The following DCAF10 variants were observed in gnomAD, a reference collection of about 807,000 sequenced individuals.
DCAF10 encodes DDB1- and CUL4-associated factor 10.
In DCAF10, 19 loss-of-function variants were observed where a neutral mutation model predicts 51.9. The ratio of observed to expected loss-of-function variants is 0.37; its 90% CI spans 0.26 to 0.54. The LOEUF (loss-of-function observed/expected upper bound fraction) is 0.54, where lower values mean the gene tolerates loss of function less well. DCAF10 is among the 20% of genes least tolerant of loss of function. The pLI is 0.87. For synonymous variants in DCAF10, 291 were observed against 297.1 expected, an observed-to-expected ratio of 0.98 and a Z score of 0.21; for missense variants, 510 against 730.6, an observed-to-expected ratio of 0.70 and a Z score of 3.48.
intron 2 of DCAF10, among the ~76,000 whole-genome samples, chr9:37,828,300 T>C (rs1386940916): frequency 6.6e-6 from 1 of 151,752 alleles, no homozygotes; most frequent in Non-Finnish European, 1.5e-5. Context: ...GGATTCAGGT[T>C]GGAAGCACTG....
rs1831077350 is a variant in DCAF10, at chr9:37,863,841, A to G, written c.*2333A>G. 6.6e-6 allele frequency: 1 copy of G among 152,238 alleles called. No individual in the cohort carries two copies. Among genetic ancestry groups the G allele is most frequent in the South Asian group, 2.1e-4 (1 of 4,832 alleles). The allele number at this position is 152,238 out of a possible 1,614,324, so 9.4% of individuals were successfully genotyped here. ...CTATTCACACACATTTATAGAGGTT[A>G]TAAGGATCTTGGCTCTAGAACAAAT... On this transcript the variant is annotated 3_prime_UTR_variant, in exon 7 of 7. Coordinates refer to ENST00000377724, the MANE Select transcript of DCAF10 (RefSeq NM_024345.5).
chr9:37,805,205 G>C (rs1212841205), intron 1 of DCAF10, among the ~76,000 whole-genome samples: 1 of 152,176 alleles, frequency 6.6e-6, no homozygotes, highest in African/African-American at 2.4e-5. Flanking sequence ...AGTGAGGCCG[G>C]GTGTGGTGGT....
chr9:37,860,269 C>G (rs560264009), intron 6 of DCAF10, 76 bp downstream of exon 6: 75 of 1,564,046 alleles, frequency 4.8e-5, no homozygotes, highest in Non-Finnish European at 6.2e-5. Context: ...GAGCTTAGGC[C>G]GATCGCTGAC....
intron 6 of DCAF10, chr9:37,860,396 T>C (rs1830980174): frequency 1.7e-6 from 1 of 591,714 alleles, no homozygotes; most frequent in Non-Finnish European, 2.6e-6. Context: ...CTTATTCCTC[T>C]CCTGCTGGGG....
intron 5 of DCAF10, chr9:37,858,497 ATGCT>A (rs1336114591): frequency 2.6e-5 from 4 of 152,256 alleles, no homozygotes; most frequent in African/African-American, 7.2e-5. Flanking sequence ...AATAGTTAAC[ATGCT>A]TGCTTGTTAT....
Position 37,835,484 on chromosome 9 carries a change from CAGGAGA to C in DCAF10, c.654-6603_654-6598del, listed in dbSNP as rs1481662056. 2.0e-5 allele frequency among the ~76,000 whole-genome samples: 3 copies of C among 152,002 alleles called. No individual in the cohort carries two copies. The East Asian group carries it at 5.8e-4, about 29-fold the overall frequency. ...ATCCCAGCTACTCAGGAGGCTGAGG[CAGGAGA>C]ATGACTTGAGCCCGGAAGGTGGAGT... On this transcript the variant is annotated intron_variant, in intron 2 of 6. Transcript: ENST00000377724.
At chr9:37,822,770 C>T (rs1164243697) in intron 2 of DCAF10, among the ~76,000 whole-genome samples, 1 of 151,998 alleles carries the variant, frequency 6.6e-6, no homozygotes, top group Admixed American at 6.6e-5. Context: ...CCGAATACCA[C>T]CTGTATTCCA....
intron 2 of DCAF10, among the ~76,000 whole-genome samples, chr9:37,825,148 G>C (rs1202407416): frequency 1.3e-5 from 2 of 152,164 alleles, no homozygotes; most frequent in African/African-American, 4.8e-5. Flanking sequence ...TGGTGAGAGT[G>C]TAAATTAGTT....
intron 2 of DCAF10, among the ~76,000 whole-genome samples, chr9:37,840,613 AT>A (rs1422538393): frequency 6.6e-6 from 1 of 152,254 alleles, no homozygotes; most frequent in Non-Finnish European, 1.5e-5. Context: ...AAAATTAAAA[AT>A]TCATGAAGTA....
At chr9:37,857,635 C>A (rs770556590) in intron 5 of DCAF10, among the ~76,000 whole-genome samples, 35 of 152,142 alleles carry the variant, frequency 2.3e-4, no homozygotes, top group Non-Finnish European at 4.3e-4. Context: ...AGATTTCAAT[C>A]AAGATTGTTG....
chr9:37,810,365 G>A (rs974843905), intron 1 of DCAF10, among the ~76,000 whole-genome samples: 1 of 152,214 alleles, frequency 6.6e-6, no homozygotes, highest in African/African-American at 2.4e-5. Flanking sequence ...CCAGTGATGT[G>A]AGCCCAGCAT....
chr9:37,858,929 C>A (rs571887760), intron 5 of DCAF10, among the ~76,000 whole-genome samples: 1 of 152,230 alleles, frequency 6.6e-6, no homozygotes, highest in Non-Finnish European at 1.5e-5. Context: ...TCAGCCCACA[C>A]GTGGTTCCCC....
chr9:37,834,008 C>G (rs1458586479), intron 2 of DCAF10, among the ~76,000 whole-genome samples: 2 of 152,060 alleles, frequency 1.3e-5, no homozygotes, highest in Non-Finnish European at 1.5e-5. Flanking sequence ...GGTGCGATCT[C>G]GGCTCACTGC....
intron 1 of DCAF10, among the ~76,000 whole-genome samples, chr9:37,802,666 T>C (rs1828992639): frequency 6.6e-6 from 1 of 152,154 alleles, no homozygotes; most frequent in African/African-American, 2.4e-5. Flanking sequence ...TCCATTTCAA[T>C]GATGGAAGCG....
At chr9:37,830,366 A>G (rs1829971173) in intron 2 of DCAF10, among the ~76,000 whole-genome samples, 1 of 152,252 alleles carries the variant, frequency 6.6e-6, no homozygotes, top group Non-Finnish European at 1.5e-5. Context: ...CTATCCCAGC[A>G]TCTAGAATTG....
intron 5 of DCAF10, among the ~76,000 whole-genome samples, 193 bp downstream of exon 5, chr9:37,857,544 A>G (rs182359376): frequency 6.6e-6 from 1 of 152,316 alleles, no homozygotes; most frequent in East Asian, 1.9e-4. Context: ...TCTTGAGTTA[A>G]ATCTTAATAG....
intron 3 of DCAF10, among the ~76,000 whole-genome samples, chr9:37,843,142 T>C (rs942417711): frequency 2.6e-5 from 4 of 152,044 alleles, no homozygotes. Flanking sequence ...CTCAGACTCC[T>C]GAGCAGCTAG....
chr9:37,804,233 G>T (rs1361746300), intron 1 of DCAF10, among the ~76,000 whole-genome samples: 2 of 127,628 alleles, frequency 1.6e-5, no homozygotes, highest in Non-Finnish European at 1.7e-5. Context: ...CATATAGTTA[G>T]CCAGAGTTCC....
At chr9:37,851,631 C>T (rs927979085) in intron 3 of DCAF10, among the ~76,000 whole-genome samples, 2 of 151,364 alleles carry the variant, frequency 1.3e-5, no homozygotes, top group South Asian at 2.1e-4. Flanking sequence ...CCCATCTTTA[C>T]TAAAAATACA....
Sources: gnomAD v4.1 joint callset for allele counts (sites outside exome capture counted in the v4.1 genomes callset) on GRCh38, gnomAD v4.1.1 for gene constraint, MANE v1.5 for transcripts, NCBI Gene and HGNC (gene_info 2026-07-23, HGNC 2026-07-21) for gene names.